C1orf21: variants seen among roughly 807,000 people sequenced by gnomAD.
C1orf21 encodes chromosome 1 open reading frame 21.
C1orf21 carries 3 observed loss-of-function variants against 18.7 expected under a neutral mutation model. The observed-to-expected ratio is 0.16, with a 90% CI of 0.07 to 0.42. The LOEUF (loss-of-function observed/expected upper bound fraction) is 0.42. Among genes scored for constraint, C1orf21 ranks in the 10% least tolerant of loss-of-function variants. The pLI is 0.99. For missense variants in C1orf21, 104 were observed against 143.6 expected (o/e 0.72, Z 1.41); for synonymous variants, 41 against 46.4 (o/e 0.88, Z 0.47).
chr1:184,505,341 A>ATATATATAT (rs1658043174), intron 2 of C1orf21, among the ~76,000 whole-genome samples: 1 of 113,848 alleles, frequency 8.8e-6, no homozygotes, highest in Non-Finnish European at 1.7e-5. Context: ...ATATATATAT[A>ATATATATAT]CACACATGCC....
chr1:184,579,385 T>TG (rs1659242902), intron 3 of C1orf21, among the ~76,000 whole-genome samples: 1 of 121,528 alleles, frequency 8.2e-6, no homozygotes, highest in Non-Finnish European at 1.7e-5. Context: ...CTGGGTTTTT[T>TG]TTTTTTTTTT....
intron 1 of C1orf21, among the ~76,000 whole-genome samples, chr1:184,416,520 T>TA (rs906203602): frequency 5.3e-5 from 8 of 151,896 alleles, no homozygotes; most frequent in South Asian, 2.1e-4. Context: ...TGCTTAAAAT[T>TA]AAAAAAAAGC....
intron 1 of C1orf21, among the ~76,000 whole-genome samples, chr1:184,416,614 C>T (rs1656455830): frequency 2.0e-5 from 3 of 152,124 alleles, no homozygotes; most frequent in Non-Finnish European, 4.4e-5. Context: ...AAACTGGTTT[C>T]ATTGCTTAAG....
In C1orf21 at chr1:184,387,511, C is replaced by A; in HGVS notation, c.-125+143C>A. On this transcript the variant is annotated intron_variant, in intron 1 of 5. Coordinates refer to ENST00000235307, the MANE Select transcript of C1orf21 (RefSeq NM_030806.4). This position sits in a 1 kb window ranked among gnomAD's most constrained non-coding sequence, Gnocchi z 5.6. ...GCACGGAAGGGATGGGAGCCGCGGT[C>A]GTGGCGCTGCCTGCGCGGGGCCCGG... is the stretch of plus-strand genomic sequence containing the variant. The A allele has an allele frequency of 1.3e-5, 2 of 152,384 alleles. No homozygotes were observed. Among genetic ancestry groups the A allele is most frequent in the South Asian group, 4.0e-4 (2 of 5,022 alleles). The allele number at this position is 152,384 out of a possible 1,614,324, so 9.4% of individuals were successfully genotyped here. A position where few individuals can be genotyped will look rare whatever the true frequency, so the allele number is the denominator to read the frequency against.
chr1:184,440,807 A>G (rs1433271677), intron 1 of C1orf21, among the ~76,000 whole-genome samples: 1 of 152,162 alleles, frequency 6.6e-6, no homozygotes, highest in Non-Finnish European at 1.5e-5. Flanking sequence ...TGATTAGGAA[A>G]ACCTGGCTTA....
intron 1 of C1orf21, among the ~76,000 whole-genome samples, chr1:184,463,312 C>T (rs1657336593): frequency 6.6e-6 from 1 of 151,914 alleles, no homozygotes; most frequent in Non-Finnish European, 1.5e-5. Context: ...CTTTTTACTC[C>T]TTTTCTACTA....
At chr1:184,523,044 A>T (rs1244501739) in intron 3 of C1orf21, among the ~76,000 whole-genome samples, 1 of 152,230 alleles carries the variant, frequency 6.6e-6, no homozygotes, top group African/African-American at 2.4e-5. Flanking sequence ...GTCCATACTG[A>T]TGTAAATGAT....
At chr1:184,487,063 G>A (rs1214178138) in intron 2 of C1orf21, among the ~76,000 whole-genome samples, 3 of 152,252 alleles carry the variant, frequency 2.0e-5, no homozygotes, top group African/African-American at 4.8e-5. Context: ...TTCTCAAAAC[G>A]TGCCTCAGTG....
intron 3 of C1orf21, chr1:184,566,542 A>G: frequency 2.8e-6 from 1 of 352,256 alleles, no homozygotes; most frequent in South Asian, 2.9e-5. Context: ...GTCCTAACAC[A>G]CAGCCTCAGG....
At chr1:184,563,979 G>A (rs61643431) in intron 3 of C1orf21, among the ~76,000 whole-genome samples, 31,379 of 152,070 alleles carry the variant, frequency 0.21, 3,751 homozygotes, top group African/African-American at 0.33. Context: ...TACTTATATC[G>A]TAAGGCTGTT....
chr1:184,513,866 G>T (rs1658186384), intron 3 of C1orf21, among the ~76,000 whole-genome samples: 1 of 152,182 alleles, frequency 6.6e-6, no homozygotes, highest in Admixed American at 6.5e-5. Context: ...TATTTCACAA[G>T]GTCTTTACGT....
In C1orf21 at chr1:184,572,692, G is replaced by A. The variant is rs924208234; in HGVS notation, c.190-18047G>A. On this transcript the variant is annotated intron_variant, in intron 3 of 5. Transcript: ENST00000235307. ...CTTCAGGCCAGGTGCGGTGGCTCAC[G>A]CCTGTAATCCCAGCACTTTGGAAGG... 5.9e-5 allele frequency among the ~76,000 whole-genome samples: 9 copies of A among 152,110 alleles called. No homozygotes were observed. The South Asian group carries it at 1.0e-3, about 18-fold the overall frequency.
At chr1:184,608,623 G>C (rs1659684719) in intron 5 of C1orf21, among the ~76,000 whole-genome samples, 1 of 152,166 alleles carries the variant, frequency 6.6e-6, no homozygotes, top group South Asian at 2.1e-4. Flanking sequence ...AATTCAGTAA[G>C]CCGGATAGTA....
intron 1 of C1orf21, among the ~76,000 whole-genome samples, chr1:184,471,265 G>A (rs2101988092): frequency 6.6e-6 from 1 of 152,314 alleles, no homozygotes; most frequent in South Asian, 2.1e-4. Context: ...GATCTAAGCT[G>A]TGTTTATTTT....
At chr1:184,432,284 A>G (rs1488729724) in intron 1 of C1orf21, among the ~76,000 whole-genome samples, 1 of 152,248 alleles carries the variant, frequency 6.6e-6, no homozygotes, top group Non-Finnish European at 1.5e-5. Context: ...AGTGCCCATC[A>G]GTGATAGACT....
chr1:184,531,510 C>CTCTT (rs1159752576), intron 3 of C1orf21, among the ~76,000 whole-genome samples: 1 of 152,146 alleles, frequency 6.6e-6, no homozygotes, highest in Admixed American at 6.5e-5. Context: ...TTTCTCTCTC[C>CTCTT]TTAAGAATGA....
intron 1 of C1orf21, among the ~76,000 whole-genome samples, chr1:184,402,705 T>A (rs1293361771): frequency 1.3e-5 from 2 of 152,190 alleles, no homozygotes; most frequent in Non-Finnish European, 2.9e-5. Context: ...TTGGCTGTAT[T>A]TCTGCATTTT....
chr1:184,469,260 C>G (rs1450671805), intron 1 of C1orf21, among the ~76,000 whole-genome samples: 1 of 152,136 alleles, frequency 6.6e-6, no homozygotes, highest in African/African-American at 2.4e-5. Flanking sequence ...AAAAACAAAA[C>G]AAACGAACAA....
intron 3 of C1orf21, among the ~76,000 whole-genome samples, chr1:184,523,490 T>C (rs992128648): frequency 2.6e-5 from 4 of 152,112 alleles, no homozygotes; most frequent in Non-Finnish European, 5.9e-5. Context: ...TGAGAAACTG[T>C]CACAGCCAAA....
Sources: allele counts gnomAD v4.1 joint callset (sites outside exome capture counted in the v4.1 genomes callset), GRCh38; gene constraint gnomAD v4.1.1; non-coding constraint Gnocchi (gnomAD v3.1); transcripts MANE v1.5; gene names NCBI Gene and HGNC (gene_info 2026-07-23, HGNC 2026-07-21).